The following RBFOX1 variants were observed in gnomAD, a reference collection of about 807,000 sequenced individuals.
The protein encoded by RBFOX1 is RNA binding protein fox-1 homolog 1.
A neutral mutation model predicts 57.7 loss-of-function variants in RBFOX1; 8 were observed. That is an observed-to-expected ratio of 0.14 (90% CI 0.08 to 0.25). The LOEUF (loss-of-function observed/expected upper bound fraction) is 0.25. RBFOX1 is among the 10% of genes least tolerant of loss of function. The pLI is 1.00. For synonymous variants in RBFOX1, 326 were observed against 222.4 expected (o/e 1.47, Z -4.15); for missense variants, 611 against 548.5 (o/e 1.11, Z -1.14).
At chr16:6,211,365 A>T (rs757433652) in intron 1 of RBFOX1, among the ~76,000 whole-genome samples, 2 of 151,734 alleles carry the variant, frequency 1.3e-5, no homozygotes, top group Non-Finnish European at 2.9e-5. Flanking sequence ...GGTAGCTGAG[A>T]CTACAGGTGC....
intron 3 of RBFOX1, among the ~76,000 whole-genome samples, chr16:6,708,324 A>G (rs1603449178): frequency 1.3e-5 from 2 of 151,756 alleles, no homozygotes; most frequent in South Asian, 4.1e-4. Flanking sequence ...ATTCACAAAA[A>G]TCACTGTCTT....
chr16:6,331,235 C>G (rs1466517949), intron 2 of RBFOX1, among the ~76,000 whole-genome samples: 1 of 152,050 alleles, frequency 6.6e-6, no homozygotes, highest in African/African-American at 2.4e-5. Flanking sequence ...TGGACGTGGT[C>G]AGGAGTTTGA....
chr16:5,595,791 G>C (rs1405458103), intron 2 of RBFOX1, among the ~76,000 whole-genome samples: 1 of 152,190 alleles, frequency 6.6e-6, no homozygotes, highest in African/African-American at 2.4e-5. Context: ...GGAAAATAGG[G>C]ACACACGGGA....
chr16:5,403,001 T>C (rs546672148), intron 1 of RBFOX1, among the ~76,000 whole-genome samples: 1 of 152,188 alleles, frequency 6.6e-6, no homozygotes, highest in Admixed American at 6.5e-5. Flanking sequence ...TCCCAACATG[T>C]GCATGCATGC....
chr16:5,891,401 T>C (rs1009974972), intron 4 of RBFOX1, among the ~76,000 whole-genome samples: 3 of 152,210 alleles, frequency 2.0e-5, no homozygotes, highest in African/African-American at 4.8e-5. Context: ...TGCCAAGCCA[T>C]CTTTCCTGTG....
intron 3 of RBFOX1, among the ~76,000 whole-genome samples, chr16:7,022,605 G>T (rs1028849852): frequency 1.3e-5 from 2 of 152,124 alleles, no homozygotes; most frequent in South Asian, 2.1e-4. Flanking sequence ...TTGGGAAGCT[G>T]TTGTGAGCCA....
chr16:7,656,247 G>A (rs894374276), intron 12 of RBFOX1, among the ~76,000 whole-genome samples: 10 of 152,278 alleles, frequency 6.6e-5, no homozygotes, highest in South Asian at 2.1e-4. Flanking sequence ...AAGGAAATTC[G>A]TCTTGTTGCC....
intron 3 of RBFOX1, among the ~76,000 whole-genome samples, chr16:6,877,346 A>G (rs1336933047): frequency 1.3e-5 from 2 of 152,166 alleles, no homozygotes; most frequent in African/African-American, 4.8e-5. Flanking sequence ...ACTTCCCTTT[A>G]GCAGAACACA....
At chr16:7,455,877 C>T (rs1381982044) in intron 4 of RBFOX1, among the ~76,000 whole-genome samples, 2 of 151,838 alleles carry the variant, frequency 1.3e-5, no homozygotes, top group Non-Finnish European at 2.9e-5. Context: ...CTATGAGCCA[C>T]TGTGATGTCT....
chr16:5,724,807 A>G (rs1177425000), intron 3 of RBFOX1, among the ~76,000 whole-genome samples: 1 of 152,180 alleles, frequency 6.6e-6, no homozygotes, highest in Non-Finnish European at 1.5e-5. Context: ...GGATATCTAC[A>G]CCAGCCCACT....
intron 3 of RBFOX1, among the ~76,000 whole-genome samples, chr16:6,799,586 C>G (rs1036769073): frequency 7.9e-5 from 12 of 152,038 alleles, no homozygotes; most frequent in Admixed American, 7.9e-4. Context: ...GAGGGAGCGG[C>G]CTGGGAGAGA....
At chr16:6,095,879 C>T (rs973063590) in intron 1 of RBFOX1, among the ~76,000 whole-genome samples, 2 of 152,168 alleles carry the variant, frequency 1.3e-5, no homozygotes, top group African/African-American at 4.8e-5. Flanking sequence ...GTTGCCTTGT[C>T]TATCTCCTGG....
intron 3 of RBFOX1, among the ~76,000 whole-genome samples, chr16:6,867,016 TAAAA>T (rs34911904): frequency 7.8e-5 from 11 of 140,864 alleles, no homozygotes; most frequent in African/African-American, 1.0e-4. Context: ...AGCTGTTCTT[TAAAA>T]AAAAAAAAAA....
intron 1 of RBFOX1, among the ~76,000 whole-genome samples, chr16:6,211,260 G>A (rs1423329657): frequency 3.5e-5 from 4 of 115,392 alleles, no homozygotes; most frequent in Admixed American, 1.2e-4. Context: ...ATGGAGTCTC[G>A]CTTTGTCGCC....
At chr16:6,440,196 A>G (rs1391508934) in intron 2 of RBFOX1, among the ~76,000 whole-genome samples, 2 of 152,076 alleles carry the variant, frequency 1.3e-5, no homozygotes, top group African/African-American at 4.8e-5. Context: ...CAGCCTCCCA[A>G]AGTGCTGGGA....
chr16:6,987,973 T>G (rs1362669546), intron 3 of RBFOX1, among the ~76,000 whole-genome samples: 2 of 152,156 alleles, frequency 1.3e-5, no homozygotes, highest in Non-Finnish European at 2.9e-5. Context: ...AGGCAGTCTT[T>G]CCTTGCATAA....
intron 3 of RBFOX1, among the ~76,000 whole-genome samples, chr16:6,922,741 C>T (rs1243920853): frequency 6.6e-6 from 1 of 152,122 alleles, no homozygotes; most frequent in Non-Finnish European, 1.5e-5. Context: ...AGATTTTAAA[C>T]ATTTTCCAGT....
chr16:6,998,824 C>A (rs547344784), intron 3 of RBFOX1, among the ~76,000 whole-genome samples: 2 of 152,106 alleles, frequency 1.3e-5, no homozygotes, highest in South Asian at 2.1e-4. Flanking sequence ...AATATACCCA[C>A]AAATACTGGA....
chr16:5,436,091 A>T (rs1034078585), intron 1 of RBFOX1, among the ~76,000 whole-genome samples: 7 of 152,220 alleles, frequency 4.6e-5, no homozygotes, highest in Admixed American at 1.3e-4. Context: ...CAGTGGGAGC[A>T]ATCCAGGAGG....
Sources: allele counts gnomAD v4.1 joint callset (sites outside exome capture counted in the v4.1 genomes callset), GRCh38; gene constraint gnomAD v4.1.1; transcripts MANE v1.5; gene names NCBI Gene and HGNC (gene_info 2026-07-23, HGNC 2026-07-21).